The following CCDC192 variants were observed in gnomAD, a reference collection of about 807,000 sequenced individuals.
The protein encoded by CCDC192 is coiled-coil domain containing 192.
Position 127,810,990 on chromosome 5 carries a change from CT to C in CCDC192, c.411+12833del, listed in dbSNP as rs1758050324. On this transcript the variant is annotated intron_variant, in intron 5 of 6. Transcript: ENST00000514853. ...TGGGCCCATTCAGAGCCTTGTGGCT[CT>C]TTTTATTCAGTGCTAAGCTTTAACA... is the stretch of plus-strand genomic sequence containing the variant. Among the ~76,000 whole-genome samples the C allele has an allele frequency of 2.0e-5, 3 of 152,156 alleles. No homozygotes were observed. The South Asian group carries it at 6.2e-4, about 32-fold the overall frequency.
At chr5:127,779,006 G>A (rs1021471272) in intron 3 of CCDC192, among the ~76,000 whole-genome samples, 1 of 151,788 alleles carries the variant, frequency 6.6e-6, no homozygotes, top group Non-Finnish European at 1.5e-5. Context: ...TCTTATGTCT[G>A]TTTTTCTTAG....
At chr5:127,920,817 T>C (rs1753690646) in intron 6 of CCDC192, among the ~76,000 whole-genome samples, 1 of 151,832 alleles carries the variant, frequency 6.6e-6, no homozygotes, top group Non-Finnish European at 1.5e-5. Context: ...TCCCAGCACT[T>C]TGGGAGGCTG....
intron 3 of CCDC192, chr5:127,784,998 T>C: frequency 4.2e-6 from 2 of 476,402 alleles, no homozygotes; most frequent in Non-Finnish European, 8.4e-6. Flanking sequence ...CCAAGACCAA[T>C]AACTTCAACT....
chr5:127,764,259 G>A (rs1755089227), intron 3 of CCDC192, among the ~76,000 whole-genome samples: 1 of 152,168 alleles, frequency 6.6e-6, no homozygotes, highest in African/African-American at 2.4e-5. Flanking sequence ...CCAAAGCCAG[G>A]CATATCAATG....
chr5:127,916,719 G>T (rs1477092587), intron 6 of CCDC192, among the ~76,000 whole-genome samples: 3 of 152,168 alleles, frequency 2.0e-5, no homozygotes, highest in Non-Finnish European at 4.4e-5. Context: ...CCAGTAGTAA[G>T]TTTGAAATAT....
chr5:127,744,872 C>T (rs1039090382), intron 2 of CCDC192, among the ~76,000 whole-genome samples: 2 of 152,146 alleles, frequency 1.3e-5, no homozygotes, highest in Admixed American at 6.6e-5. Context: ...TTAAAACAAC[C>T]GTTCCATCAC....
At chr5:127,833,851 TTTCTC>T (rs1164597448) in intron 5 of CCDC192, among the ~76,000 whole-genome samples, 2 of 152,026 alleles carry the variant, frequency 1.3e-5, no homozygotes, top group Admixed American at 6.6e-5. Context: ...AACTTGAAAA[TTTCTC>T]TTCTATCATA....
At chr5:127,906,691 C>T (rs989266195) in intron 6 of CCDC192, among the ~76,000 whole-genome samples, 1 of 152,094 alleles carries the variant, frequency 6.6e-6, no homozygotes, top group Non-Finnish European at 1.5e-5. Flanking sequence ...GAGGCTGAGG[C>T]AGGAGGATCA....
intron 5 of CCDC192, among the ~76,000 whole-genome samples, chr5:127,825,849 T>C (rs1279350124): frequency 6.6e-6 from 1 of 152,216 alleles, no homozygotes; most frequent in African/African-American, 2.4e-5. Context: ...ATTCCATATT[T>C]AATGCAATGC....
chr5:127,856,304 C>T (rs1166250360), intron 5 of CCDC192, among the ~76,000 whole-genome samples: 1 of 152,222 alleles, frequency 6.6e-6, no homozygotes, highest in Non-Finnish European at 1.5e-5. Context: ...TCCAACTTTT[C>T]CTCTGCAGCT....
chr5:127,829,365 A>C (rs1000496436), intron 5 of CCDC192, among the ~76,000 whole-genome samples: 11 of 107,112 alleles, frequency 1.0e-4, no homozygotes, highest in Admixed American at 4.1e-4. Flanking sequence ...ATGTTTTCCT[A>C]GAATTGTTTT....
intron 6 of CCDC192, among the ~76,000 whole-genome samples, chr5:127,912,419 C>CAAAAAAAAAAAAA (rs60854127): frequency 0.028 from 2,261 of 81,256 alleles, 353 homozygotes; most frequent in African/African-American, 0.034. Flanking sequence ...CTGGGTTTAG[C>CAAAAAAAAAAAAA]AAAAAAAAAA....
intron 3 of CCDC192, chr5:127,785,229 G>C (rs2126941939): frequency 1.9e-6 from 1 of 518,122 alleles, no homozygotes; most frequent in East Asian, 5.4e-5. Flanking sequence ...TGTGACAGCT[G>C]GCATAGAAAG....
intron 5 of CCDC192, among the ~76,000 whole-genome samples, chr5:127,804,734 T>G (rs1757689674): frequency 6.6e-6 from 1 of 152,198 alleles, no homozygotes; most frequent in Non-Finnish European, 1.5e-5. Context: ...AATGCAGATT[T>G]TGAGGACTCA....
chr5:127,739,915 T>G (rs1204456473), intron 2 of CCDC192: 3 of 156,800 alleles, frequency 1.9e-5, no homozygotes, highest in African/African-American at 7.2e-5. Flanking sequence ...CTGGGAGCTG[T>G]GGACCGGAGC....
rs373002215 is a variant in CCDC192 at position 127,940,899 on chromosome 5, G to C, written c.536-283G>C. On this transcript the variant is annotated intron_variant, in intron 6 of 6. Coordinates refer to ENST00000514853, the MANE Select transcript of CCDC192 (RefSeq NM_001317938.2). ...TTGGATTTTCATGAATTATTCCCAT[G>C]GTTAACTGAAAGTTAAATGCATATA... is the stretch of plus-strand genomic sequence containing the variant. The C allele has an allele frequency of 1.5e-3, 414 of 274,954 alleles. 7 individuals carry two copies. The South Asian group carries it at 0.054, about 36-fold the overall frequency. The allele number at this position is 274,954 out of a possible 1,614,324, so 17.0% of individuals were successfully genotyped here.
chr5:127,886,550 G>T lies in CCDC192; in HGVS notation c.535+10889G>T, dbSNP rs760770312. Among the ~76,000 whole-genome samples, 128 of 152,046 alleles carry T rather than the reference G, an allele frequency of 8.4e-4. 7 individuals are homozygous for T. Among genetic ancestry groups the T allele is most frequent in the Non-Finnish European group, 4.3e-4 (29 of 68,018 alleles). ...CTTGGATCCATTTATCTACTTAATG[G>T]ATACTAAATATGTTTTCTCTTCCTT... On this transcript the variant is annotated intron_variant, in intron 6 of 6. Transcript: ENST00000514853.
intron 3 of CCDC192, chr5:127,786,077 G>T: frequency 1.3e-6 from 1 of 746,868 alleles, no homozygotes; most frequent in South Asian, 1.5e-5. Flanking sequence ...CTAGATACAA[G>T]ATTATACATG....
chr5:127,892,133 G>C (rs1462911908), intron 6 of CCDC192, among the ~76,000 whole-genome samples: 1 of 152,200 alleles, frequency 6.6e-6, no homozygotes, highest in African/African-American at 2.4e-5. Flanking sequence ...AAGCTATAAA[G>C]AATGTTGGTT....
Sources: gnomAD v4.1 joint callset for allele counts (sites outside exome capture counted in the v4.1 genomes callset) on GRCh38, gnomAD v4.1.1 for gene constraint, MANE v1.5 for transcripts, NCBI Gene and HGNC (gene_info 2026-07-23, HGNC 2026-07-21) for gene names.